RPS6KC1: variants seen among roughly 807,000 people sequenced by gnomAD.
The protein encoded by RPS6KC1 is inactive ribosomal protein S6 kinase delta-1.
RPS6KC1 carries 54 observed loss-of-function variants against 103.8 expected under a neutral mutation model. The ratio of observed to expected loss-of-function variants is 0.52; its 90% CI spans 0.42 to 0.65. The LOEUF is 0.65. Ranked by LOEUF, RPS6KC1 falls within the 30% of genes least tolerant of loss-of-function variation. The probability of loss-of-function intolerance (pLI) is 0.00; values close to 1 mark genes in which losing one functional copy is unlikely to be tolerated. For synonymous variants in RPS6KC1, 439 were observed against 438.7 expected (o/e 1.00, Z -0.01); for missense variants, 1,151 against 1,253.8 (o/e 0.92, Z 1.24).
At chr1:213,239,966 A>T (rs918799013) in intron 10 of RPS6KC1, among the ~76,000 whole-genome samples, 8 of 152,162 alleles carry the variant, frequency 5.3e-5, no homozygotes, top group African/African-American at 1.9e-4. Flanking sequence ...TGCTGATAAA[A>T]TACTGGATTT....
rs766470816 is a variant in RPS6KC1 at position 213,129,517 on chromosome 1, A to G, written c.473-10A>G. 2.5e-6 allele frequency: 4 copies of G among 1,586,402 alleles called. No homozygotes were observed. The highest frequency in any genetic ancestry group is 1.4e-5 in the African/African-American group (1 of 73,610). The stretch of plus-strand genomic sequence containing the variant: ...TTAATATCTGTTTACTATTGTGATC[A>G]TATTTCTAGGCTTCTCCAGTGACAG... On this transcript the variant is annotated splice_polypyrimidine_tract_variant and intron_variant, in intron 5 of 14. Coordinates refer to ENST00000366960, the MANE Select transcript of RPS6KC1 (RefSeq NM_012424.6).
chr1:213,695,618 G>C, the RPS6KC1 span, among the ~76,000 whole-genome samples: 1 of 152,258 alleles, frequency 6.6e-6, no homozygotes, highest in African/African-American at 2.4e-5. Context: ...GATGCTCTCA[G>C]TGTGATCAGC....
At chr1:213,860,158 G>A in the RPS6KC1 span, among the ~76,000 whole-genome samples, 1 of 150,332 alleles carries the variant, frequency 6.7e-6, no homozygotes, top group Non-Finnish European at 1.5e-5. Flanking sequence ...AATATATATA[G>A]GTGTATGTAT....
the RPS6KC1 span, among the ~76,000 whole-genome samples, chr1:213,430,642 T>A: frequency 1.3e-5 from 2 of 152,224 alleles, no homozygotes; most frequent in Non-Finnish European, 2.9e-5. Flanking sequence ...TCTGTATTTT[T>A]TTTTCCCATC....
At chr1:213,748,182 C>T in the RPS6KC1 span, among the ~76,000 whole-genome samples, 1 of 152,140 alleles carries the variant, frequency 6.6e-6, no homozygotes, top group African/African-American at 2.4e-5. Context: ...AGTCAGCCTC[C>T]CCTGCACTTC....
At chr1:213,855,331 C>A in the RPS6KC1 span, among the ~76,000 whole-genome samples, 3 of 152,222 alleles carry the variant, frequency 2.0e-5, no homozygotes, top group African/African-American at 7.2e-5. Context: ...GTCACTACTG[C>A]CACCACTCAG....
At chr1:213,819,875 A>G in the RPS6KC1 span, 1 of 152,164 alleles carries the variant, frequency 6.6e-6, no homozygotes, top group Non-Finnish European at 1.5e-5. Flanking sequence ...ACATAAATAG[A>G]ATTTGAGAAA....
the RPS6KC1 span, among the ~76,000 whole-genome samples, chr1:213,353,449 G>A: frequency 2.6e-5 from 4 of 152,166 alleles, no homozygotes; most frequent in African/African-American, 9.7e-5. Flanking sequence ...AACTTACCTG[G>A]GGTAACCCAG....
At chr1:213,294,619 C>T in the RPS6KC1 span, among the ~76,000 whole-genome samples, 1 of 152,028 alleles carries the variant, frequency 6.6e-6, no homozygotes. Context: ...TTGGATAATG[C>T]CCATATTCCT....
At chr1:213,073,734 G>A (rs1307655546) in intron 2 of RPS6KC1, among the ~76,000 whole-genome samples, 1 of 152,102 alleles carries the variant, frequency 6.6e-6, no homozygotes, top group African/African-American at 2.4e-5. Flanking sequence ...GGAGTGCAGT[G>A]GCATGATCTT....
the RPS6KC1 span, among the ~76,000 whole-genome samples, chr1:213,395,139 T>C: frequency 6.6e-6 from 1 of 152,210 alleles, no homozygotes; most frequent in Non-Finnish European, 1.5e-5. Flanking sequence ...CATGGGTCTG[T>C]AGTCCAGGGA....
chr1:213,568,931 GA>G, the RPS6KC1 span, among the ~76,000 whole-genome samples: 1 of 152,202 alleles, frequency 6.6e-6, no homozygotes, highest in South Asian at 2.1e-4. Flanking sequence ...CCATGAGCGG[GA>G]AGTAGCAGCC....
At chr1:213,615,599 T>A in the RPS6KC1 span, among the ~76,000 whole-genome samples, 1 of 152,324 alleles carries the variant, frequency 6.6e-6, no homozygotes, top group Admixed American at 6.5e-5. Context: ...GGATGGAGGA[T>A]GAATGATTTG....
chr1:213,421,233 T>C, the RPS6KC1 span, among the ~76,000 whole-genome samples: 1 of 151,980 alleles, frequency 6.6e-6, no homozygotes, highest in Non-Finnish European at 1.5e-5. Flanking sequence ...TGCCCCAGCC[T>C]CCCGAGTAGC....
the RPS6KC1 span, among the ~76,000 whole-genome samples, chr1:213,839,148 C>CTTAT: frequency 6.6e-6 from 1 of 152,190 alleles, no homozygotes; most frequent in Non-Finnish European, 1.5e-5. Context: ...AGAGGACCAA[C>CTTAT]ATAATCCTAT....
At chr1:213,326,650 G>A in the RPS6KC1 span, among the ~76,000 whole-genome samples, 1 of 152,220 alleles carries the variant, frequency 6.6e-6, no homozygotes, top group Non-Finnish European at 1.5e-5. Context: ...CAGACTCCTT[G>A]AATAGGAGCA....
chr1:213,719,299 G>T, the RPS6KC1 span, among the ~76,000 whole-genome samples: 1 of 152,186 alleles, frequency 6.6e-6, no homozygotes, highest in African/African-American at 2.4e-5. Flanking sequence ...GACATCATGT[G>T]AGGAACCGGA....
the RPS6KC1 span, among the ~76,000 whole-genome samples, chr1:213,484,027 A>T: frequency 6.6e-6 from 1 of 152,186 alleles, no homozygotes; most frequent in Non-Finnish European, 1.5e-5. Flanking sequence ...TCTTCCTAGA[A>T]TCCAAAATTT....
At chr1:213,290,980 C>G in the RPS6KC1 span, among the ~76,000 whole-genome samples, 2 of 152,158 alleles carry the variant, frequency 1.3e-5, no homozygotes, top group African/African-American at 2.4e-5. Context: ...CACCAGGACT[C>G]CCGGCCACGC....
Sources: gnomAD v4.1 joint callset for allele counts (sites outside exome capture counted in the v4.1 genomes callset) on GRCh38, gnomAD v4.1.1 for gene constraint, MANE v1.5 for transcripts, NCBI Gene and HGNC (gene_info 2026-07-23, HGNC 2026-07-21) for gene names.